Variants in RALGAPA2 observed in about 807,000 individuals in gnomAD.
RALGAPA2 encodes the protein ral GTPase-activating protein subunit alpha-2.
In RALGAPA2, 139 loss-of-function variants were observed where a neutral mutation model predicts 230.4. That is an observed-to-expected ratio of 0.60 (90% CI 0.53 to 0.69). RALGAPA2 has a LOEUF of 0.69. Ranked by LOEUF, RALGAPA2 falls within the 30% of genes least tolerant of loss-of-function variation. The pLI is 0.00. For synonymous variants in RALGAPA2, 847 were observed against 837.8 expected (o/e 1.01, Z -0.19); for missense variants, 2,163 against 2,276.0 (o/e 0.95, Z 1.01).
chr20:20,535,049 T>G (rs1602687006), intron 26 of RALGAPA2, among the ~76,000 whole-genome samples: 1 of 152,102 alleles, frequency 6.6e-6, no homozygotes, highest in Admixed American at 6.5e-5. Context: ...AATCATCAAA[T>G]AGCTGGTAAG....
chr20:20,519,241 T>A (rs1428587171), intron 31 of RALGAPA2, among the ~76,000 whole-genome samples: 1 of 152,226 alleles, frequency 6.6e-6, no homozygotes, highest in Non-Finnish European at 1.5e-5. Context: ...AGTTTGCTCA[T>A]CTACAAAATG....
chr20:20,620,579 C>G lies in RALGAPA2; in HGVS notation c.1285G>C (p.Val429Leu), dbSNP rs2066288777. ...TCCTGGAGAATCCACTTTCTGTACACTTGAACTACTTTTCTTGTTACAGCT... is the reference window on the plus strand; with the variant it reads ...TCCTGGAGAATCCACTTTCTGTACAGTTGAACTACTTTTCTTGTTACAGCT... ...EIAVTRKVVQ[V>L]YRKWILQDKP... The change falls in exon 11 of 40, where the codon GTG (valine) becomes CTG (leucine). Residue 429 changes from valine to leucine, a missense_variant. Val to Leu is a conservative substitution (Grantham distance 32). Transcript: ENST00000202677. 1 of 1,613,724 alleles carries G rather than the reference C, an allele frequency of 6.2e-7. No individual in the cohort carries two copies. Among genetic ancestry groups the G allele is most frequent in the East Asian group, 2.2e-5 (1 of 44,862 alleles).
chr20:20,572,588 A>G (rs539824479), intron 21 of RALGAPA2, among the ~76,000 whole-genome samples: 4 of 152,316 alleles, frequency 2.6e-5, no homozygotes, highest in African/African-American at 9.6e-5. Flanking sequence ...CAAATTGTAT[A>G]CAATACAACC....
rs1312386981 is a variant in RALGAPA2, at chr20:20,557,643, T to C, written c.3157-10811A>G. On this transcript the variant is annotated intron_variant, in intron 23 of 39. Transcript: ENST00000202677. ...GTAAAATAATATTCTCATTCTAATG[T>C]TGGAATCTAGGTTAGGCCCCACCTG... 1.3e-5 allele frequency among the ~76,000 whole-genome samples: 2 copies of C among 152,156 alleles called. 1 individual carries two copies. Among genetic ancestry groups the C allele is most frequent in the Non-Finnish European group, 2.9e-5 (2 of 68,028 alleles).
At chr20:20,591,442 T>A in intron 16 of RALGAPA2, 128 bp from the exon 17 acceptor site, 1 of 1,148,564 alleles carries the variant, frequency 8.7e-7, no homozygotes, top group South Asian at 1.6e-5. Flanking sequence ...AGTCAGATAA[T>A]CTGCATTTAA....
intron 13 of RALGAPA2, among the ~76,000 whole-genome samples, chr20:20,612,834 A>G (rs1320034438): frequency 6.6e-6 from 1 of 152,194 alleles, no homozygotes; most frequent in Non-Finnish European, 1.5e-5. Flanking sequence ...AGAGAAGGGC[A>G]GCACCTAGTA....
At chr20:20,417,280 C>T (rs1384620297) in intron 37 of RALGAPA2, among the ~76,000 whole-genome samples, 1 of 152,176 alleles carries the variant, frequency 6.6e-6, no homozygotes, top group African/African-American at 2.4e-5. Flanking sequence ...AAATGACCAC[C>T]AACTGGGTGG....
chr20:20,503,829 TA>T (rs970900852), intron 34 of RALGAPA2, among the ~76,000 whole-genome samples: 1 of 152,196 alleles, frequency 6.6e-6, no homozygotes, highest in Non-Finnish European at 1.5e-5. Context: ...ATAGGTTCCC[TA>T]TTGATGGATT....
intron 30 of RALGAPA2, among the ~76,000 whole-genome samples, chr20:20,521,438 G>C (rs1231258925): frequency 1.3e-5 from 2 of 152,120 alleles, no homozygotes; most frequent in Non-Finnish European, 2.9e-5. Context: ...TGGTGGGACA[G>C]GCCAATCACG....
At chr20:20,556,368 G>C (rs550472494) in intron 23 of RALGAPA2, among the ~76,000 whole-genome samples, 8 of 152,170 alleles carry the variant, frequency 5.3e-5, no homozygotes, top group Non-Finnish European at 8.8e-5. Context: ...AGACTGACAG[G>C]GAGATGGCAA....
chr20:20,704,796 T>G (rs936807847), intron 1 of RALGAPA2, among the ~76,000 whole-genome samples: 11 of 152,218 alleles, frequency 7.2e-5, no homozygotes, highest in Admixed American at 1.3e-4. Flanking sequence ...AGTCCCAACA[T>G]CTACTTACGC....
intron 38 of RALGAPA2, among the ~76,000 whole-genome samples, chr20:20,401,925 T>C (rs1295658485): frequency 1.3e-5 from 2 of 152,236 alleles, no homozygotes; most frequent in African/African-American, 2.4e-5. Flanking sequence ...TGCCACTGTA[T>C]AAATTGTACA....
intron 23 of RALGAPA2, among the ~76,000 whole-genome samples, chr20:20,567,730 C>T (rs2049202227): frequency 6.6e-6 from 1 of 151,598 alleles, no homozygotes; most frequent in Non-Finnish European, 1.5e-5. Context: ...CTATGGCTCA[C>T]ACCTGTAATC....
chr20:20,676,399 A>G (rs1375499025), intron 2 of RALGAPA2, 111 bp from the exon 3 acceptor site: 2 of 670,612 alleles, frequency 3.0e-6, no homozygotes, highest in Non-Finnish European at 2.5e-6. Context: ...ACATTCATTT[A>G]TTCAAAAAAT....
Position 20,571,580 on chromosome 20 carries a change from T to G in RALGAPA2, c.3034A>C (p.Lys1012Gln), listed in dbSNP as rs1442267440. Reference sequence around the variant, plus strand: ...CAGATCAGCCTGTAGGCTTGTAGTTTGCCTTCCTTATATTCATTTGGCAGT... The same window carrying G: ...CAGATCAGCCTGTAGGCTTGTAGTTGGCCTTCCTTATATTCATTTGGCAGT... ...ATLPNEYKEG[K>Q]LQAYRLICAM... is the part of the protein sequence containing the mutation. Residue 1012 changes from lysine (K) to glutamine (Q), a missense_variant, in exon 23 of 40, where the codon AAA (lysine) becomes CAA (glutamine). Coordinates refer to ENST00000202677, the MANE Select transcript of RALGAPA2 (RefSeq NM_020343.4). The G allele has an allele frequency of 6.2e-7, 1 of 1,611,846 alleles. No individual in the cohort carries two copies. The highest frequency in any genetic ancestry group is 1.1e-5 in the South Asian group (1 of 90,512).
At chr20:20,596,982 T>A (rs779532967) in intron 16 of RALGAPA2, among the ~76,000 whole-genome samples, 1 of 152,218 alleles carries the variant, frequency 6.6e-6, no homozygotes, top group Non-Finnish European at 1.5e-5. Flanking sequence ...CTAAATCACA[T>A]TTAACTTCAG....
rs150119650 is a variant in RALGAPA2 at position 20,575,414 on chromosome 20, T to C, written c.2708-2346A>G. Among the ~76,000 whole-genome samples the C allele has an allele frequency of 7.3e-3, 1,113 of 152,084 alleles. 11 individuals carry two copies. Among genetic ancestry groups the C allele is most frequent in the African/African-American group, 0.026 (1,067 of 41,490 alleles). ...TATGTATGTTGAGTTTGTTTTTTTT[T>C]TTTTTCCTGGAATTCAAAAGACTCT... On this transcript the variant is annotated intron_variant, in intron 20 of 39. Transcript: ENST00000202677.
At chr20:20,432,576 G>A (rs2060523421) in intron 37 of RALGAPA2, among the ~76,000 whole-genome samples, 1 of 152,322 alleles carries the variant, frequency 6.6e-6, no homozygotes, top group Non-Finnish European at 1.5e-5. Context: ...AAGAGCCACA[G>A]CATTTCCTTA....
At chr20:20,516,959 A>G (rs2062890197) in intron 31 of RALGAPA2, among the ~76,000 whole-genome samples, 2 of 152,220 alleles carry the variant, frequency 1.3e-5, no homozygotes, top group Non-Finnish European at 1.5e-5. Flanking sequence ...TGCTGGGTGC[A>G]ACAGGGAAAG....
Sources: allele counts gnomAD v4.1 joint callset (sites outside exome capture counted in the v4.1 genomes callset), GRCh38; gene constraint gnomAD v4.1.1; transcripts MANE v1.5; gene names NCBI Gene and HGNC (gene_info 2026-07-23, HGNC 2026-07-21).